Variants in SCTR observed in about 807,000 individuals in gnomAD.
SCTR encodes pancreatic secretin receptor.
SCTR carries 56 observed loss-of-function variants against 60.8 expected under a neutral mutation model. The ratio of observed to expected loss-of-function variants is 0.92; its 90% confidence interval spans 0.74 to 1.15. The LOEUF (loss-of-function observed/expected upper bound fraction) is 1.15. Ranked by LOEUF, SCTR falls within the 50% of genes most tolerant of loss-of-function variation. SCTR has a pLI of 0.00. For synonymous variants in SCTR, 202 were observed against 217.0 expected, an observed-to-expected ratio of 0.93 and a Z score of 0.61; for missense variants, 562 against 550.4, an observed-to-expected ratio of 1.02 and a Z score of -0.21.
At chr2:119,464,768 T>C (rs112485904) in intron 5 of SCTR, among the ~76,000 whole-genome samples, 2,807 of 152,152 alleles carry the variant, frequency 0.018, 75 homozygotes, top group African/African-American at 0.064. Flanking sequence ...AGGGGCAACA[T>C]TGTATTCTGC....
intron 7 of SCTR, among the ~76,000 whole-genome samples, chr2:119,455,935 A>G (rs939414694): frequency 2.6e-5 from 4 of 152,190 alleles, no homozygotes; most frequent in African/African-American, 9.7e-5. Context: ...CAGAACACAG[A>G]GAGAAGATCC....
rs1682682400 is a variant in SCTR at position 119,442,223 on chromosome 2, G to T, written c.1141-624C>A. On this transcript the variant is annotated intron_variant, in intron 11 of 12. Transcript: ENST00000019103. ...TAAGACCCTCCCTCCCTGGTATTTG[G>T]AGCTCCTGATTTCCTGATGGTGCCC... 4.6e-5 allele frequency among the ~76,000 whole-genome samples: 7 copies of T among 152,276 alleles called. No homozygotes were observed. The South Asian group carries it at 1.4e-3, about 32-fold the overall frequency.
intron 2 of SCTR, 102 bp from the exon 3 acceptor site, chr2:119,479,020 C>T: frequency 1.3e-6 from 2 of 1,540,468 alleles, no homozygotes; most frequent in Middle Eastern, 1.7e-4. Flanking sequence ...GGAATTCCCA[C>T]TAGACTACTT....
intron 1 of SCTR, among the ~76,000 whole-genome samples, chr2:119,509,567 G>A (rs1039559101): frequency 9.2e-5 from 14 of 152,148 alleles, no homozygotes; most frequent in Non-Finnish European, 1.6e-4. Context: ...CTTCCTTGGC[G>A]ATTTTCCTTT....
At chr2:119,511,516 G>A (rs1219270230) in intron 1 of SCTR, among the ~76,000 whole-genome samples, 1 of 151,948 alleles carries the variant, frequency 6.6e-6, no homozygotes, top group African/African-American at 2.4e-5. Flanking sequence ...TTTTTTCATT[G>A]GATTAGTTTT....
chr2:119,461,835 G>A lies in SCTR; in HGVS notation c.790+12C>T. 1 of 1,607,428 alleles carries A rather than the reference G, an allele frequency of 6.2e-7. No individual in the cohort carries two copies. The highest frequency in any genetic ancestry group is 8.5e-7 in the Non-Finnish European group (1 of 1,176,598). ...CATACCATGCAGATATCAGACCCAGGGAGAAACATACCCCATCCGAATGCC... is the reference window on the plus strand; with the variant it reads ...CATACCATGCAGATATCAGACCCAGAGAGAAACATACCCCATCCGAATGCC... On this transcript the variant is annotated intron_variant, in intron 7 of 12. Coordinates refer to ENST00000019103, the MANE Select transcript of SCTR (RefSeq NM_002980.3).
At chr2:119,497,026 A>T (rs1257578745) in intron 1 of SCTR, among the ~76,000 whole-genome samples, 1 of 152,126 alleles carries the variant, frequency 6.6e-6, no homozygotes, top group Non-Finnish European at 1.5e-5. Context: ...GTCTCCCCCA[A>T]CCCATGATAT....
chr2:119,496,469 C>T (rs913837318), intron 1 of SCTR, among the ~76,000 whole-genome samples: 1 of 152,154 alleles, frequency 6.6e-6, no homozygotes, highest in African/African-American at 2.4e-5. Context: ...ACTTCTGCTT[C>T]CAGAAAAATG....
chr2:119,514,594 G>C (rs923410023), intron 1 of SCTR, among the ~76,000 whole-genome samples: 1 of 152,150 alleles, frequency 6.6e-6, no homozygotes, highest in Admixed American at 6.5e-5. Context: ...TCTGAATAAA[G>C]GCTGGGTGCA....
intron 1 of SCTR, among the ~76,000 whole-genome samples, chr2:119,502,668 A>C (rs1424237636): frequency 6.6e-6 from 1 of 152,242 alleles, no homozygotes; most frequent in African/African-American, 2.4e-5. Flanking sequence ...TAATACAGAC[A>C]TACAATTGAT....
intron 1 of SCTR, among the ~76,000 whole-genome samples, chr2:119,508,383 C>CTTTTTTTTTTTTTT (rs34070844): frequency 2.3e-4 from 18 of 77,376 alleles, no homozygotes; most frequent in South Asian, 5.3e-4. Flanking sequence ...TCTTCTTCTT[C>CTTTTTTTTTTTTTT]TTTTTTTTTT....
At chr2:119,445,077 A>AT (rs894649362) in intron 11 of SCTR, among the ~76,000 whole-genome samples, 1 of 151,576 alleles carries the variant, frequency 6.6e-6, no homozygotes, top group Non-Finnish European at 1.5e-5. Flanking sequence ...AGTGCTTTTG[A>AT]TTTTCTCTTG....
intron 1 of SCTR, 24 bp downstream of exon 1, chr2:119,524,131 C>T: frequency 6.5e-7 from 1 of 1,539,882 alleles, no homozygotes; most frequent in Non-Finnish European, 8.8e-7. Context: ...GGGTCCCCAG[C>T]CTGCAGAAGG....
At chr2:119,466,528 G>C (rs1683841720) in intron 4 of SCTR, among the ~76,000 whole-genome samples, 1 of 152,178 alleles carries the variant, frequency 6.6e-6, no homozygotes, top group Non-Finnish European at 1.5e-5. Flanking sequence ...AAGGAGGAAG[G>C]ATTGCTCGAG....
At chr2:119,478,208 T>C (rs1386082289) in intron 3 of SCTR, among the ~76,000 whole-genome samples, 3 of 152,256 alleles carry the variant, frequency 2.0e-5, no homozygotes, top group Non-Finnish European at 4.4e-5. Flanking sequence ...AAAAGTCCTG[T>C]GATCTGCAGG....
chr2:119,506,318 T>G (rs1211084336), intron 1 of SCTR, among the ~76,000 whole-genome samples: 1 of 152,228 alleles, frequency 6.6e-6, no homozygotes, highest in Non-Finnish European at 1.5e-5. Context: ...GGAACCCTAT[T>G]CGGCAATAAA....
At chr2:119,514,492 G>A (rs1283315278) in intron 1 of SCTR, among the ~76,000 whole-genome samples, 2 of 152,210 alleles carry the variant, frequency 1.3e-5, no homozygotes, top group East Asian at 3.8e-4. Flanking sequence ...AATATGTCAA[G>A]TGGGTTCTGT....
chr2:119,440,879 G>A (rs1682631864), intron 12 of SCTR, among the ~76,000 whole-genome samples: 1 of 152,232 alleles, frequency 6.6e-6, no homozygotes, highest in Non-Finnish European at 1.5e-5. Context: ...AGCTAGGCTT[G>A]ATATTTGATT....
At chr2:119,482,473 C>T (rs934707039) in intron 2 of SCTR, among the ~76,000 whole-genome samples, 3 of 152,064 alleles carry the variant, frequency 2.0e-5, no homozygotes, top group Admixed American at 6.6e-5. Flanking sequence ...AGTGTGTGGG[C>T]GGAGCTTTCA....
Sources: allele counts gnomAD v4.1 joint callset (sites outside exome capture counted in the v4.1 genomes callset), GRCh38; gene constraint gnomAD v4.1.1; transcripts MANE v1.5; gene names NCBI Gene and HGNC (gene_info 2026-07-23, HGNC 2026-07-21).